FBXL3: variants seen among roughly 807,000 people sequenced by gnomAD.
FBXL3 encodes F-box/LRR-repeat protein 3.
A neutral mutation model predicts 37.9 loss-of-function variants in FBXL3; 14 were observed. That is an observed-to-expected ratio of 0.37 (90% CI 0.24 to 0.58). FBXL3 has a LOEUF of 0.58. FBXL3 is among the 20% of genes least tolerant of loss of function. FBXL3 has a pLI of 0.74. For missense variants in FBXL3, 327 were observed against 511.1 expected, an observed-to-expected ratio of 0.64 and a Z score of 3.47; for synonymous variants, 194 against 180.1, an observed-to-expected ratio of 1.08 and a Z score of -0.62.
At position 77,007,581 on chromosome 13, in the gene FBXL3, G is replaced by C; in HGVS notation, c.851C>G (p.Ser284Ter). The stretch of plus-strand genomic sequence containing the variant: ...ATACATCACTAAGTTCACTTTGGGT[G>C]AATGTCTGATGAAAGCATCCCAGCT... ...KSSWDAFIRH[S>*]PKVNLVMYFF... Residue 284 changes from serine (S) to a stop codon, truncating the protein, a stop_gained, in exon 5 of 5, where the codon TCA becomes TGA. Coordinates refer to ENST00000355619, the MANE Select transcript of FBXL3 (RefSeq NM_012158.4). LOFTEE classifies it high-confidence loss of function. 1 of 1,614,176 alleles carries C rather than the reference G, an allele frequency of 6.2e-7. No individual in the cohort carries two copies. The highest frequency in any genetic ancestry group is 8.5e-7 in the Non-Finnish European group (1 of 1,180,010).
At chr13:77,014,163 A>G (rs1167940663) in intron 4 of FBXL3, 2 of 152,284 alleles carry the variant, frequency 1.3e-5, no homozygotes, top group Non-Finnish European at 2.9e-5. Flanking sequence ...AGGGGAAGTT[A>G]AAACATTTGA....
chr13:77,020,748 T>C (rs146068204), intron 2 of FBXL3, among the ~76,000 whole-genome samples: 2 of 152,256 alleles, frequency 1.3e-5, no homozygotes, highest in African/African-American at 4.8e-5. Flanking sequence ...TTTTTTTAAA[T>C]AGAGACAGGG....
intron 1 of FBXL3, among the ~76,000 whole-genome samples, chr13:77,022,519 A>G (rs1449712575): frequency 1.3e-5 from 2 of 152,176 alleles, no homozygotes; most frequent in African/African-American, 4.8e-5. Context: ...GAGACTCTTA[A>G]TGCCTGATGA....
chr13:77,016,559 CAG>C (rs1264889263), intron 3 of FBXL3: 4 of 149,842 alleles, frequency 2.7e-5, no homozygotes, highest in Non-Finnish European at 4.4e-5. Flanking sequence ...TTTTTTGAGA[CAG>C]AGTACTGTTC....
At chr13:77,026,748 G>A (rs963033059) in intron 1 of FBXL3, 79 bp downstream of exon 1, 1 of 5,624 alleles carries the variant, frequency 1.8e-4, no homozygotes, top group Non-Finnish European at 3.8e-4. Context: ...ACCCCACCCC[G>A]GCCCGCCCAC....
intron 2 of FBXL3, 183 bp from the exon 3 acceptor site, chr13:77,018,905 C>T (rs2034692408): frequency 2.1e-6 from 1 of 469,638 alleles, no homozygotes; most frequent in Admixed American, 4.3e-5. Context: ...TTCAATCATC[C>T]ACCCTCCACC....
At position 77,007,171 on chromosome 13, in the gene FBXL3, A is replaced by G; in HGVS notation, c.1261T>C (p.Phe421Leu). 1.9e-6 allele frequency: 3 copies of G among 1,608,216 alleles called. No homozygotes were observed. The highest frequency in any genetic ancestry group is 2.6e-6 in the Non-Finnish European group (3 of 1,175,798). Reference sequence around the variant, plus strand: ...TACCAAGTGGGCATCATGTCGGGAAACCACACCCTACCAAGATGCTTGGAC... The same window carrying G: ...TACCAAGTGGGCATCATGTCGGGAAGCCACACCCTACCAAGATGCTTGGAC... ...EVSKHLGRVW[F>L]PDMMPTW Residue 421 changes from phenylalanine (F) to leucine (L), a missense_variant, in exon 5 of 5, where the codon TTT (phenylalanine) becomes CTT (leucine). Coordinates refer to ENST00000355619, the MANE Select transcript of FBXL3 (RefSeq NM_012158.4).
chr13:77,015,675 G>T (rs2034631022), intron 3 of FBXL3, 95 bp from the exon 4 acceptor site: 4 of 775,110 alleles, frequency 5.2e-6, no homozygotes, highest in Non-Finnish European at 5.6e-6. Flanking sequence ...GAACCATAAT[G>T]ACATATTAAT....
chr13:77,018,581 AAAC>A lies in FBXL3; in HGVS notation c.471+16_471+18del. 6.4e-7 allele frequency: 1 copy of A among 1,550,986 alleles called. No individual in the cohort carries two copies. The highest frequency in any genetic ancestry group is 1.3e-5 in the South Asian group (1 of 79,194). ...CTGAATTTCTCAGTAATAGATAATA[AAAC>A]AAAAACAGCAGATACCTTTGGTAAA... is the stretch of plus-strand genomic sequence containing the variant. On this transcript the variant is annotated intron_variant, in intron 3 of 4. Coordinates refer to ENST00000355619, the MANE Select transcript of FBXL3 (RefSeq NM_012158.4).
chr13:77,015,456 G>C lies in FBXL3; in HGVS notation c.596C>G (p.Thr199Arg). The change falls in exon 4 of 5, where the codon ACA (threonine) becomes AGA (arginine). Residue 199 changes from threonine (T) to arginine (R), a missense_variant. Transcript: ENST00000355619. ...LKVLVANNSD[T>R]LKLLKMSSCP... is the part of the protein sequence containing the mutation. Reference sequence around the variant, plus strand: ...GCTGCTCATTTTCAACAGCTTGAGTGTATCACTATTGTTGGCCACTAGTAC... The same window carrying C: ...GCTGCTCATTTTCAACAGCTTGAGTCTATCACTATTGTTGGCCACTAGTAC... 6.2e-7 allele frequency: 1 copy of C among 1,605,188 alleles called. No individual in the cohort carries two copies. The highest frequency in any genetic ancestry group is 8.5e-7 in the Non-Finnish European group (1 of 1,176,204).
At chr13:77,026,168 C>T in intron 1 of FBXL3, 19 of 985,346 alleles carry the variant, frequency 1.9e-5, no homozygotes, top group Non-Finnish European at 2.3e-5. Flanking sequence ...TGATCTCTCT[C>T]ACCTCTCAGC....
chr13:77,026,368 T>A (rs2154038201), intron 1 of FBXL3: 1 of 985,232 alleles, frequency 1.0e-6, no homozygotes, highest in South Asian at 4.7e-5. Context: ...CCCCTGACAT[T>A]TCTCATGCGC....
intron 4 of FBXL3, among the ~76,000 whole-genome samples, chr13:77,011,264 C>T (rs941341669): frequency 4.1e-5 from 6 of 147,120 alleles, no homozygotes; most frequent in East Asian, 4.0e-4. Context: ...CACCTGAACC[C>T]GGGAGGCGGA....
rs774252987 is a variant in FBXL3 at position 77,007,802 on chromosome 13, A to C, written c.644-14T>G. 9 of 1,533,874 alleles carry C rather than the reference A, an allele frequency of 5.9e-6. No homozygotes were observed. The highest frequency in any genetic ancestry group is 7.9e-6 in the Non-Finnish European group (9 of 1,142,088). On this transcript the variant is annotated splice_polypyrimidine_tract_variant and intron_variant, in intron 4 of 4. Coordinates refer to ENST00000355619, the MANE Select transcript of FBXL3 (RefSeq NM_012158.4). ...CACAAAGGATACCTTGAAAGAAAAA[A>C]AAAATTATTTGCAAGTTTTTGTAAA...
At chr13:77,025,245 C>T (rs964364073) in intron 1 of FBXL3, among the ~76,000 whole-genome samples, 1 of 152,132 alleles carries the variant, frequency 6.6e-6, no homozygotes, top group Non-Finnish European at 1.5e-5. Context: ...CAAAACTAGG[C>T]CTCTTCAGGG....
intron 1 of FBXL3, chr13:77,026,477 C>T: frequency 1.6e-6 from 1 of 621,696 alleles, no homozygotes; most frequent in East Asian, 1.4e-4. Flanking sequence ...AGTGCGAGCT[C>T]CATGGTGCCT....
chr13:77,014,895 A>T (rs2034617063), intron 4 of FBXL3: 1 of 152,222 alleles, frequency 6.6e-6, no homozygotes, highest in Non-Finnish European at 1.5e-5. Flanking sequence ...GAGCTATTAT[A>T]ATGCTCTTCT....
At chr13:77,022,255 A>G (rs1262722822) in intron 1 of FBXL3, among the ~76,000 whole-genome samples, 2 of 152,208 alleles carry the variant, frequency 1.3e-5, no homozygotes, top group African/African-American at 4.8e-5. Context: ...TCATCTAAGG[A>G]TATTTGTTCT....
chr13:77,007,319 G>A lies in FBXL3; in HGVS notation c.1113C>T (p.Val371=), dbSNP rs769440607. 3.1e-6 allele frequency: 5 copies of A among 1,613,976 alleles called. No homozygotes were observed. Among genetic ancestry groups the A allele is most frequent in the Non-Finnish European group, 4.2e-6 (5 of 1,180,020 alleles). Residue 371 remains valine (V), a synonymous_variant, in exon 5 of 5, where the codon GTC becomes GTT. Transcript: ENST00000355619. ...LSAIGLGECE[V]SCSAFVEFVK... ...CAAACTCAACAAAGGCACTACATGA[G>A]ACTTCACATTCCCCTAGTCCAATAG...
Sources: allele counts gnomAD v4.1 joint callset (sites outside exome capture counted in the v4.1 genomes callset), GRCh38; gene constraint gnomAD v4.1.1; transcripts MANE v1.5; gene names NCBI Gene and HGNC (gene_info 2026-07-23, HGNC 2026-07-21).